Variants in NPC1 observed in about 807,000 individuals in gnomAD.
NPC1 encodes Niemann-Pick C1 protein.
In NPC1, 85 loss-of-function variants were observed where a neutral mutation model predicts 140.4. The ratio of observed to expected loss-of-function variants is 0.61; its 90% confidence interval spans 0.51 to 0.72. NPC1 has a LOEUF of 0.72. Ranked by LOEUF, NPC1 falls within the 30% of genes least tolerant of loss-of-function variation. NPC1 has a pLI of 0.00. For missense variants in NPC1, 1,504 were observed against 1,623.8 expected (o/e 0.93, Z 1.27); for synonymous variants, 656 against 624.8 (o/e 1.05, Z -0.74).
At chr18:23,536,221 A>G (rs1404958817) in intron 21 of NPC1, among the ~76,000 whole-genome samples, 2 of 152,344 alleles carry the variant, frequency 1.3e-5, no homozygotes, top group African/African-American at 4.8e-5. Context: ...TACAGTTTCT[A>G]AATTCAGTAG....
At chr18:23,551,841 G>A in intron 9 of NPC1, 114 bp from the exon 10 acceptor site, 2 of 788,170 alleles carry the variant, frequency 2.5e-6, no homozygotes, top group Non-Finnish European at 2.3e-6. Flanking sequence ...AGGACAACAT[G>A]GGCCCTGAGG....
At chr18:23,545,949 G>A (rs945721518) in intron 11 of NPC1, among the ~76,000 whole-genome samples, 1 of 152,076 alleles carries the variant, frequency 6.6e-6, no homozygotes, top group Non-Finnish European at 1.5e-5. Flanking sequence ...CATACATGCT[G>A]AATTAAAGTA....
Position 23,562,274 on chromosome 18 carries a change from G to T in NPC1, c.464-747C>A, listed in dbSNP as rs189328105. ...ACTGCACTCCAGCGTGGGTGACAGA[G>T]CAAGACTCCATCACAAAAAAACAAA... On this transcript the variant is annotated intron_variant, in intron 4 of 24. Coordinates refer to ENST00000269228, the MANE Select transcript of NPC1 (RefSeq NM_000271.5). Among the ~76,000 whole-genome samples, 706 of 147,458 alleles carry T rather than the reference G, an allele frequency of 4.8e-3. 4 individuals carry two copies. Among genetic ancestry groups the T allele is most frequent in the African/African-American group, 0.017 (677 of 39,402 alleles).
chr18:23,571,831 G>A (rs1385537297), intron 3 of NPC1, among the ~76,000 whole-genome samples: 3 of 151,862 alleles, frequency 2.0e-5, no homozygotes, highest in Admixed American at 2.0e-4. Flanking sequence ...GGGCAGCAGA[G>A]TGAGACTCTG....
At position 23,572,241 on chromosome 18, in the gene NPC1, C is replaced by T. The variant is rs1392622815; in HGVS notation, c.181-61G>A. On this transcript the variant is annotated intron_variant, in intron 2 of 24. Transcript: ENST00000269228. ...AACAGTTAGAGTAAGGTCAACATTC[C>T]TCAGTGAACTAAGACACATTCATTC... 6 of 1,082,026 alleles carry T rather than the reference C, an allele frequency of 5.5e-6. No homozygotes were observed. In the Admixed American group the frequency reaches 1.0e-4, roughly 19 times the overall value. 67.0% of individuals were successfully genotyped at this position (1,082,026 alleles called of 1,614,324 possible).
At chr18:23,559,492 CTTTTT>C (rs57612444) in intron 6 of NPC1, among the ~76,000 whole-genome samples, 17 of 81,456 alleles carry the variant, frequency 2.1e-4, no homozygotes, top group African/African-American at 4.3e-4. Context: ...TTGACTCTGA[CTTTTT>C]TTTTTTTTTT....
Position 23,551,684 on chromosome 18 carries a change from A to G in NPC1, c.1597T>C (p.Cys533Arg). Residue 533 changes from cysteine (C) to arginine (R), a missense_variant, in exon 10 of 25, where the codon TGT becomes CGT. Cys to Arg is a radical substitution (Grantham distance 180, BLOSUM62 -3). Transcript: ENST00000269228. ...ACTGGTCCACCAAACGTACCCAGACAAGGGTCATGGAGCAAACTTGTATCA... is the reference window on the plus strand; with the variant it reads ...ACTGGTCCACCAAACGTACCCAGACGAGGGTCATGGAGCAAACTTGTATCA... ...LNDTSLLHDP[C>R]LGTFGGPVFP... The G allele has an allele frequency of 6.2e-7, 1 of 1,614,224 alleles. No individual in the cohort carries two copies. The highest frequency in any genetic ancestry group is 8.5e-7 in the Non-Finnish European group (1 of 1,180,038).
chr18:23,529,781 TAGA>T (rs2058433810), downstream of NPC1: 5 of 1,459,472 alleles, frequency 3.4e-6, no homozygotes, highest in Middle Eastern at 5.2e-4. Flanking sequence ...GTCACTGTCT[TAGA>T]AGATGACTCA....
intron 3 of NPC1, among the ~76,000 whole-genome samples, chr18:23,570,017 G>C (rs1258143977): frequency 6.6e-6 from 1 of 152,152 alleles, no homozygotes; most frequent in African/African-American, 2.4e-5. Context: ...GACAAAGAAT[G>C]AAAAAAGTGT....
intron 4 of NPC1, among the ~76,000 whole-genome samples, chr18:23,566,194 C>A (rs1473543385): frequency 6.6e-6 from 1 of 151,960 alleles, no homozygotes; most frequent in African/African-American, 2.4e-5. Context: ...AGTTTGAGGC[C>A]AGCCTGGGCA....
chr18:23,560,406 C>G lies in NPC1; in HGVS notation c.706G>C (p.Ala236Pro). Residue 236 changes from alanine (A) to proline (P), a missense_variant, in exon 6 of 25, where the codon GCA becomes CCA. Physicochemically the swap from Ala to Pro is conservative, Grantham distance 27. Coordinates refer to ENST00000269228, the MANE Select transcript of NPC1 (RefSeq NM_000271.5). Reference protein sequence around the residue: ...GCDESVDEVTAPCSCQDCSIV... With the variant: ...GCDESVDEVTPPCSCQDCSIV... The stretch of plus-strand genomic sequence containing the variant: ...GAGCAGTCTTGGCAGCTACATGGTG[C>G]TGTGACCTCATCCACAGACTCGTCA... 1 of 1,614,240 alleles carries G rather than the reference C, an allele frequency of 6.2e-7. No homozygotes were observed. The highest frequency in any genetic ancestry group is 1.7e-5 in the Admixed American group (1 of 60,026).
downstream of NPC1, chr18:23,530,036 A>G: frequency 6.2e-7 from 1 of 1,613,640 alleles, no homozygotes; most frequent in Non-Finnish European, 8.5e-7. Flanking sequence ...AGCATTACCT[A>G]CATGAACTTG....
At chr18:23,570,465 C>T (rs1015708854) in intron 3 of NPC1, among the ~76,000 whole-genome samples, 1 of 152,234 alleles carries the variant, frequency 6.6e-6, no homozygotes, top group Non-Finnish European at 1.5e-5. Context: ...GGCCCAATTA[C>T]AGCCTCAACT....
intron 1 of NPC1, among the ~76,000 whole-genome samples, chr18:23,575,178 G>A (rs900902623): frequency 1.3e-5 from 2 of 152,214 alleles, no homozygotes; most frequent in Admixed American, 1.3e-4. Context: ...CTGCAGCTCT[G>A]GCCTGACAAA....
chr18:23,514,012 CCTGTTTCTTTTCATCTGTTCCAG>C (rs2057933152), intron 3 of NPC1, among the ~76,000 whole-genome samples: 1 of 152,150 alleles, frequency 6.6e-6, no homozygotes, highest in African/African-American at 2.4e-5. Flanking sequence ...GATGTACCTG[CCTGTTTCTTTTCATCTGTTCCAG>C]CTTCCTGACC....
downstream of NPC1, among the ~76,000 whole-genome samples, chr18:23,519,803 C>T (rs1019006003): frequency 5.9e-5 from 9 of 152,050 alleles, no homozygotes; most frequent in South Asian, 2.1e-4. Flanking sequence ...GTTTTGAGGC[C>T]GTGTGGACCA....
chr18:23,538,687 A>G lies in NPC1; in HGVS notation c.2912-16T>C. The G allele has an allele frequency of 6.2e-7, 1 of 1,613,774 alleles. No individual in the cohort carries two copies. Among genetic ancestry groups the G allele is most frequent in the Non-Finnish European group, 8.5e-7 (1 of 1,179,976 alleles). On this transcript the variant is annotated splice_polypyrimidine_tract_variant and intron_variant, in intron 19 of 24. Transcript: ENST00000269228. Reference sequence around the variant, plus strand: ...GGGTCAACCACTGGCGGAGACATGCAGGGAGGACTGTTAGAAGAATAGGTC... The same window carrying G: ...GGGTCAACCACTGGCGGAGACATGCGGGGAGGACTGTTAGAAGAATAGGTC...
At chr18:23,527,589 CTTT>C (rs71163615), downstream of NPC1, among the ~76,000 whole-genome samples, 13 of 108,342 alleles carry the variant, frequency 1.2e-4, no homozygotes, top group Admixed American at 2.1e-4. Flanking sequence ...CCTGCTATAG[CTTT>C]TTTTTTTTTT....
At chr18:23,576,297 C>T (rs973994443) in intron 1 of NPC1, among the ~76,000 whole-genome samples, 2 of 152,026 alleles carry the variant, frequency 1.3e-5, no homozygotes, top group African/African-American at 2.4e-5. Flanking sequence ...GGCACATGCC[C>T]ATAGTCCCAG....
Sources: gnomAD v4.1 joint callset for allele counts (sites outside exome capture counted in the v4.1 genomes callset) on GRCh38, gnomAD v4.1.1 for gene constraint, MANE v1.5 for transcripts, NCBI Gene and HGNC (gene_info 2026-07-23, HGNC 2026-07-21) for gene names.